The following FRMD4A variants were observed in gnomAD, a reference collection of about 807,000 sequenced individuals.
FRMD4A encodes FERM domain containing 4A, also known as FERM domain-containing protein 4A.
A neutral mutation model predicts 129.1 loss-of-function variants in FRMD4A; 29 were observed. The ratio of observed to expected loss-of-function variants is 0.22; its 90% CI spans 0.17 to 0.31. FRMD4A has a LOEUF of 0.31. FRMD4A is among the 10% of genes least tolerant of loss of function. The probability of loss-of-function intolerance (pLI) is 1.00; values close to 1 mark genes in which losing one functional copy is unlikely to be tolerated. For missense variants in FRMD4A, 1,272 were observed against 1,375.8 expected (o/e 0.92, Z 1.19); for synonymous variants, 634 against 571.6 (o/e 1.11, Z -1.56).
intron 3 of FRMD4A, among the ~76,000 whole-genome samples, chr10:13,822,180 T>C (rs904940141): frequency 2.0e-5 from 3 of 152,194 alleles, no homozygotes; most frequent in Admixed American, 6.5e-5. Flanking sequence ...CTAATAAACA[T>C]ATCCATCACC....
intron 12 of FRMD4A, among the ~76,000 whole-genome samples, chr10:13,724,005 A>C (rs2089684684): frequency 6.6e-6 from 1 of 152,206 alleles, no homozygotes; most frequent in South Asian, 2.1e-4. Flanking sequence ...ACGTTGTAAT[A>C]CCTGGGAGTG....
At chr10:13,713,303 C>T (rs529574500) in intron 12 of FRMD4A, among the ~76,000 whole-genome samples, 76 of 152,212 alleles carry the variant, frequency 5.0e-4, no homozygotes, top group Admixed American at 1.4e-3. Flanking sequence ...GATGATGGGA[C>T]CCACATCTTG....
chr10:13,882,353 G>A (rs2094557158), intron 2 of FRMD4A, among the ~76,000 whole-genome samples: 1 of 152,178 alleles, frequency 6.6e-6, no homozygotes, highest in South Asian at 2.1e-4. Context: ...AGCTGACTCC[G>A]AGCAACGCAG....
chr10:13,765,113 TG>T (rs1243027983), intron 6 of FRMD4A, among the ~76,000 whole-genome samples: 3,184 of 83,506 alleles, frequency 0.038, 70 homozygotes, highest in Non-Finnish European at 0.058. Context: ...TTTTTTTTTT[TG>T]TTTTTTTTTT....
chr10:14,067,187 G>T (rs976324230), intron 2 of FRMD4A, among the ~76,000 whole-genome samples: 3 of 151,364 alleles, frequency 2.0e-5, no homozygotes, highest in African/African-American at 7.3e-5. Flanking sequence ...GTGGTGGCGG[G>T]TGCCTGTAAT....
chr10:13,663,568 T>C, intron 18 of FRMD4A, 59 bp from the exon 19 acceptor site: 2 of 864,166 alleles, frequency 2.3e-6, no homozygotes, highest in Non-Finnish European at 2.0e-6. Flanking sequence ...CAAAGCCCTA[T>C]CTGTAAAAAT....
chr10:14,148,037 C>A (rs966973288), intron 2 of FRMD4A, among the ~76,000 whole-genome samples: 1 of 152,110 alleles, frequency 6.6e-6, no homozygotes, highest in Non-Finnish European at 1.5e-5. Context: ...CTGTCTGGGA[C>A]GATAAACTCA....
At chr10:13,714,051 T>TATATATAC (rs1564673527) in intron 12 of FRMD4A, among the ~76,000 whole-genome samples, 9 of 15,042 alleles carry the variant, frequency 6.0e-4, no homozygotes, top group African/African-American at 2.1e-3. Context: ...TATATATATA[T>TATATATAC]ATATATATAA....
intron 2 of FRMD4A, among the ~76,000 whole-genome samples, chr10:14,107,419 C>T (rs1837644597): frequency 6.6e-6 from 1 of 152,152 alleles, no homozygotes; most frequent in Non-Finnish European, 1.5e-5. Flanking sequence ...GTGTTTATGC[C>T]ATCAACCGAT....
intron 3 of FRMD4A, among the ~76,000 whole-genome samples, chr10:13,848,151 T>C (rs2094080826): frequency 6.6e-6 from 1 of 152,216 alleles, no homozygotes; most frequent in African/African-American, 2.4e-5. Context: ...TGTAGTTTAA[T>C]GTCCTATCCT....
intron 2 of FRMD4A, among the ~76,000 whole-genome samples, chr10:14,087,212 G>A (rs1836334257): frequency 6.9e-6 from 1 of 144,888 alleles, no homozygotes; most frequent in African/African-American, 2.5e-5. Context: ...TACACTTATA[G>A]GATTATAAAT....
chr10:13,710,795 T>G, intron 12 of FRMD4A: 1 of 152,454 alleles, frequency 6.6e-6, no homozygotes, highest in African/African-American at 2.4e-5. Flanking sequence ...GGCAGATCAC[T>G]TGAGGTCAGG....
At chr10:14,273,628 T>G (rs1020660872) in intron 2 of FRMD4A, among the ~76,000 whole-genome samples, 1 of 152,050 alleles carries the variant, frequency 6.6e-6, no homozygotes, top group African/African-American at 2.4e-5. Context: ...TCTTCCAGAT[T>G]CAAACACTAG....
chr10:14,185,612 A>G (rs554445480), intron 2 of FRMD4A, among the ~76,000 whole-genome samples: 4 of 139,584 alleles, frequency 2.9e-5, no homozygotes, highest in East Asian at 2.1e-4. Flanking sequence ...GAGAGACAGA[A>G]AGGGGATATA....
intron 2 of FRMD4A, among the ~76,000 whole-genome samples, chr10:14,309,987 C>T (rs932271185): frequency 6.6e-6 from 1 of 151,510 alleles, no homozygotes; most frequent in Non-Finnish European, 1.5e-5. Context: ...GCCGTTCTTC[C>T]AGCACCTGTG....
chr10:14,276,259 T>C (rs1034250094), intron 2 of FRMD4A, among the ~76,000 whole-genome samples: 5 of 152,134 alleles, frequency 3.3e-5, no homozygotes, highest in Non-Finnish European at 7.4e-5. Context: ...ACACTGGCCA[T>C]GAAAGGGCAC....
At chr10:14,298,216 A>C (rs1332037024) in intron 2 of FRMD4A, among the ~76,000 whole-genome samples, 2 of 152,198 alleles carry the variant, frequency 1.3e-5, no homozygotes, top group East Asian at 3.8e-4. Flanking sequence ...GCACCATATC[A>C]AAAACTCCCA....
At chr10:14,307,297 A>G (rs1218405) in intron 2 of FRMD4A, among the ~76,000 whole-genome samples, 10,572 of 152,292 alleles carry the variant, frequency 0.069, 842 homozygotes, top group African/African-American at 0.2. Flanking sequence ...GGCCTTGCGC[A>G]AAGCCCTGTT....
intron 2 of FRMD4A, among the ~76,000 whole-genome samples, chr10:14,150,146 A>T (rs1393675885): frequency 6.6e-6 from 1 of 151,966 alleles, no homozygotes; most frequent in African/African-American, 2.4e-5. Context: ...TGATCCAATC[A>T]CCTCCCACCA....
Sources: gnomAD v4.1 joint callset for allele counts (sites outside exome capture counted in the v4.1 genomes callset) on GRCh38, gnomAD v4.1.1 for gene constraint, MANE v1.5 for transcripts, NCBI Gene and HGNC (gene_info 2026-07-23, HGNC 2026-07-21) for gene names.